The following CDS2 variants were observed in gnomAD, a reference collection of about 807,000 sequenced individuals.
CDS2 encodes phosphatidate cytidylyltransferase 2.
Under a neutral mutation model 59.0 loss-of-function variants are expected in CDS2, and 47 were observed. That is an observed-to-expected ratio of 0.80 (90% CI 0.63 to 1.02). CDS2 has a LOEUF of 1.02. Ranked by LOEUF, CDS2 falls within the 50% of genes least tolerant of loss-of-function variation. The pLI, the probability that CDS2 is intolerant of heterozygous loss-of-function variation, is 0.00. For synonymous variants in CDS2, 207 were observed against 206.4 expected (o/e 1.00, Z -0.02); for missense variants, 356 against 558.9 (o/e 0.64, Z 3.66).
At chr20:5,140,862 G>A (rs1328041589) in intron 1 of CDS2, among the ~76,000 whole-genome samples, 4 of 152,162 alleles carry the variant, frequency 2.6e-5, no homozygotes, top group Non-Finnish European at 5.9e-5. Context: ...CTAAGTGCTG[G>A]TTTATAGGAA....
intron 4 of CDS2, among the ~76,000 whole-genome samples, chr20:5,178,237 C>T (rs1255375885): frequency 6.6e-6 from 1 of 152,194 alleles, no homozygotes; most frequent in African/African-American, 2.4e-5. Context: ...TCATTAATTG[C>T]TTAGTCAGAT....
intron 1 of CDS2, among the ~76,000 whole-genome samples, chr20:5,168,930 A>T (rs544456535): frequency 3.3e-5 from 5 of 152,244 alleles, no homozygotes; most frequent in Admixed American, 3.3e-4. Flanking sequence ...TTGGTGGAGA[A>T]GCTTTCTGAG....
chr20:5,164,650 C>T (rs979481121), intron 1 of CDS2, among the ~76,000 whole-genome samples: 13 of 151,984 alleles, frequency 8.6e-5, no homozygotes, highest in Non-Finnish European at 1.6e-4. Context: ...AAATTCCTTC[C>T]TTCCCCAGTA....
chr20:5,164,907 G>A (rs2090902443), intron 1 of CDS2, among the ~76,000 whole-genome samples: 1 of 152,186 alleles, frequency 6.6e-6, no homozygotes, highest in Non-Finnish European at 1.5e-5. Context: ...TTGTGATGGA[G>A]GTTGGTACTT....
intron 1 of CDS2, among the ~76,000 whole-genome samples, chr20:5,168,407 T>C (rs2090928687): frequency 1.5e-5 from 2 of 131,322 alleles, no homozygotes; most frequent in Admixed American, 8.3e-5. Flanking sequence ...AGAGCAAGAC[T>C]CTGTCCCCCC....
rs1487236935 is a variant in CDS2, at chr20:5,195,147, G to A, written c.*4913G>A. 1.3e-5 allele frequency: 2 copies of A among 152,238 alleles called. No individual in the cohort carries two copies. Among genetic ancestry groups the A allele is most frequent in the Non-Finnish European group, 2.9e-5 (2 of 68,002 alleles). 9.4% of individuals were successfully genotyped at this position (152,238 alleles called of 1,614,324 possible). ...GGGGTGGTTGTGAGGATATAACGAG[G>A]TAATGCATGTAAGCATTTAGTACCA... On this transcript the variant is annotated 3_prime_UTR_variant, in exon 13 of 13. Coordinates refer to ENST00000460006, the MANE Select transcript of CDS2 (RefSeq NM_003818.4).
At chr20:5,141,041 A>G (rs981959275) in intron 1 of CDS2, among the ~76,000 whole-genome samples, 6 of 152,166 alleles carry the variant, frequency 3.9e-5, no homozygotes, top group African/African-American at 1.2e-4. Flanking sequence ...CAGGCCTCCA[A>G]AAATAAAATC....
At chr20:5,180,153 G>A (rs147011685) in intron 5 of CDS2, among the ~76,000 whole-genome samples, 1 of 152,146 alleles carries the variant, frequency 6.6e-6, no homozygotes, top group Non-Finnish European at 1.5e-5. Flanking sequence ...ATGGATAAAG[G>A]TTCCTTTCCT....
At chr20:5,164,061 A>T (rs1468030662) in intron 1 of CDS2, among the ~76,000 whole-genome samples, 1 of 152,020 alleles carries the variant, frequency 6.6e-6, no homozygotes, top group Admixed American at 6.5e-5. Flanking sequence ...AAGTGCTGGG[A>T]TTAGAGGCAC....
At position 5,186,678 on chromosome 20, in the gene CDS2, C is replaced by A; in HGVS notation, c.829-9C>A. On this transcript the variant is annotated splice_polypyrimidine_tract_variant and intron_variant, in intron 9 of 12. Transcript: ENST00000460006. Reference sequence around the variant, plus strand: ...CTTCCTTGCCGGTCTCTCTGTTATTCCTCCTCAGCTGTCCTATGTGATGTC... The same window carrying A: ...CTTCCTTGCCGGTCTCTCTGTTATTACTCCTCAGCTGTCCTATGTGATGTC... 1.2e-6 allele frequency: 2 copies of A among 1,613,662 alleles called. No homozygotes were observed. The highest frequency in any genetic ancestry group is 1.7e-6 in the Non-Finnish European group (2 of 1,179,648).
chr20:5,159,107 C>T (rs920189480), intron 1 of CDS2, among the ~76,000 whole-genome samples: 7 of 151,870 alleles, frequency 4.6e-5, no homozygotes, highest in African/African-American at 1.7e-4. Context: ...CCTTTACAAA[C>T]TTGACTAAAT....
intron 9 of CDS2, 115 bp from the exon 10 acceptor site, chr20:5,186,572 T>G: frequency 1.1e-6 from 1 of 902,500 alleles, no homozygotes; most frequent in Non-Finnish European, 1.8e-6. Context: ...AGCACATAGC[T>G]CGCAGTTAGC....
At position 5,197,007 on chromosome 20, in the gene CDS2, T is replaced by C. The variant is rs2091162371; in HGVS notation, c.*6773T>C. 6.6e-6 allele frequency: 1 copy of C among 152,316 alleles called. No individual in the cohort carries two copies. The allele number at this position is 152,316 out of a possible 1,614,324, so 9.4% of individuals were successfully genotyped here. A position where few individuals can be genotyped will look rare whatever the true frequency, so the allele number is the denominator to read the frequency against. On this transcript the variant is annotated 3_prime_UTR_variant, in exon 13 of 13. Transcript: ENST00000460006. ...GAGTCTCACAGTGGAGGGCAGACTC[T>C]AACAGATGCCAGCTGAACGCTCGCT...
At chr20:5,134,694 T>C (rs1270453815) in intron 1 of CDS2, among the ~76,000 whole-genome samples, 1 of 152,094 alleles carries the variant, frequency 6.6e-6, no homozygotes, top group Non-Finnish European at 1.5e-5. Flanking sequence ...CTAATTTTTA[T>C]ATTTTTAGTA....
At chr20:5,168,651 A>C (rs376593316) in intron 1 of CDS2, 3 of 518,484 alleles carry the variant, frequency 5.8e-6, no homozygotes, top group African/African-American at 5.8e-5. Flanking sequence ...AGGGAGCCTC[A>C]GAAGGATGCT....
At position 5,173,603 on chromosome 20, in the gene CDS2, C is replaced by T. The variant is rs1036670299; in HGVS notation, c.138C>T (p.Val46=). The T allele has an allele frequency of 6.2e-7, 1 of 1,614,238 alleles. No individual in the cohort carries two copies. The highest frequency in any genetic ancestry group is 8.5e-7 in the Non-Finnish European group (1 of 1,180,018). The change falls in exon 2 of 13, where the codon GTC becomes GTT. Residue 46 remains valine (V), a synonymous_variant. Coordinates refer to ENST00000460006, the MANE Select transcript of CDS2 (RefSeq NM_003818.4). ...GGGCAGAATCCGCACCCCTGCCAGT[C>T]TCTGCAGATGATACCCCGGAGGTCC... ...ESRAESAPLP[V]SADDTPEVLN...
At chr20:5,128,111 A>G (rs1452627157) in intron 1 of CDS2, 1 of 152,190 alleles carries the variant, frequency 6.6e-6, no homozygotes, top group Non-Finnish European at 1.5e-5. Context: ...AAAAATCAGA[A>G]AGTTTCTCCT....
At chr20:5,180,935 G>A (rs1242914819) in intron 5 of CDS2, among the ~76,000 whole-genome samples, 1 of 152,142 alleles carries the variant, frequency 6.6e-6, no homozygotes, top group Non-Finnish European at 1.5e-5. Context: ...GTCAGAAAGT[G>A]TCAGTATGGT....
In CDS2 at chr20:5,185,715, T is replaced by A. The variant is rs201584800; in HGVS notation, c.760-43T>A. 1.4e-4 allele frequency: 225 copies of A among 1,561,730 alleles called. No individual in the cohort carries two copies. The Admixed American group carries it at 3.7e-3, about 26-fold the overall frequency. On this transcript the variant is annotated intron_variant, in intron 8 of 12. Coordinates refer to ENST00000460006, the MANE Select transcript of CDS2 (RefSeq NM_003818.4). The stretch of plus-strand genomic sequence containing the variant: ...GTAATCATTGTTCGCAAAGCTATAG[T>A]TATCAAAACACCCTTTGCTGAGAAC...
Sources: allele counts gnomAD v4.1 joint callset (sites outside exome capture counted in the v4.1 genomes callset), GRCh38; gene constraint gnomAD v4.1.1; transcripts MANE v1.5; gene names NCBI Gene and HGNC (gene_info 2026-07-23, HGNC 2026-07-21).